Variants in ADGB observed in about 807,000 individuals in gnomAD.
The protein encoded by ADGB is androglobin.
ADGB carries 172 observed loss-of-function variants against 210.5 expected under a neutral mutation model. The observed-to-expected ratio is 0.82, with a 90% CI of 0.72 to 0.93. The LOEUF (loss-of-function observed/expected upper bound fraction) is 0.93. Ranked by LOEUF, ADGB falls within the 40% of genes least tolerant of loss-of-function variation. ADGB has a pLI of 0.00. For missense variants in ADGB, 2,025 were observed against 1,964.8 expected (o/e 1.03, Z -0.58); for synonymous variants, 658 against 662.7 (o/e 0.99, Z 0.11).
rs565968263 is a variant in ADGB, at chr6:146,722,036, G to T, written c.2095+531G>T. Among the ~76,000 whole-genome samples, 3 of 151,660 alleles carry T rather than the reference G, an allele frequency of 2.0e-5. No individual in the cohort carries two copies. In the South Asian group the frequency reaches 6.3e-4, roughly 32 times the overall value. ...GGTTGTACTATCTGTTCACCTTTTTGGTGTACTCACTCAATCTGTTAGTGT... is the reference window on the plus strand; with the variant it reads ...GGTTGTACTATCTGTTCACCTTTTTTGTGTACTCACTCAATCTGTTAGTGT... On this transcript the variant is annotated intron_variant, in intron 17 of 35. Coordinates refer to ENST00000397944, the MANE Select transcript of ADGB (RefSeq NM_024694.4).
At chr6:146,681,314 T>G (rs184193283) in intron 9 of ADGB, among the ~76,000 whole-genome samples, 1 of 152,190 alleles carries the variant, frequency 6.6e-6, no homozygotes, top group Non-Finnish European at 1.5e-5. Flanking sequence ...ATGTGAGACA[T>G]CTGCTCCCTC....
chr6:146,673,453 T>C (rs1776043986), intron 8 of ADGB, among the ~76,000 whole-genome samples: 1 of 152,198 alleles, frequency 6.6e-6, no homozygotes, highest in Non-Finnish European at 1.5e-5. Context: ...GTCGTTATCC[T>C]TTCTTAAGTT....
intron 27 of ADGB, among the ~76,000 whole-genome samples, chr6:146,754,681 T>G (rs906006434): frequency 3.3e-5 from 5 of 152,070 alleles, no homozygotes; most frequent in African/African-American, 1.2e-4. Context: ...TAAAATTGCT[T>G]TATTTAGCCT....
Position 146,717,521 on chromosome 6 carries a change from ATG to A in ADGB, c.1929-13_1929-12del. 2 of 1,326,042 alleles carry A rather than the reference ATG, an allele frequency of 1.5e-6. No individual in the cohort carries two copies. The allele number at this position is 1,326,042 out of a possible 1,614,324, so 82.1% of individuals were successfully genotyped here. A position where few individuals can be genotyped will look rare whatever the true frequency, so the allele number is the denominator to read the frequency against. On this transcript the variant is annotated splice_polypyrimidine_tract_variant and intron_variant, in intron 15 of 35. Transcript: ENST00000397944. The stretch of plus-strand genomic sequence containing the variant: ...CTATAATGACAATAACCTGTTAAAA[ATG>A]TCTTTCTTTCAGAAATATATATATT...
chr6:146,726,360 T>C (rs1369135153), intron 19 of ADGB, among the ~76,000 whole-genome samples, 163 bp downstream of exon 19: 3 of 152,114 alleles, frequency 2.0e-5, no homozygotes, highest in Non-Finnish European at 4.4e-5. Context: ...GTAGCTGGGA[T>C]TACAGGTGCG....
intron 11 of ADGB, among the ~76,000 whole-genome samples, chr6:146,692,120 T>C (rs1479439640): frequency 6.6e-6 from 1 of 152,198 alleles, no homozygotes; most frequent in Admixed American, 6.5e-5. Flanking sequence ...AAAGGAAGAA[T>C]AGTGAACATG....
intron 13 of ADGB, among the ~76,000 whole-genome samples, chr6:146,701,759 T>C (rs1031858343): frequency 6.6e-6 from 1 of 151,988 alleles, no homozygotes; most frequent in East Asian, 1.9e-4. Flanking sequence ...TGAGAGAACA[T>C]ACAACTTCAC....
At chr6:146,603,937 G>A (rs540807128) in intron 1 of ADGB, among the ~76,000 whole-genome samples, 148 of 152,228 alleles carry the variant, frequency 9.7e-4, no homozygotes, top group African/African-American at 3.5e-3. Flanking sequence ...TACCTGCAGC[G>A]TTCAGAAAAG....
chr6:146,672,088 A>T, intron 7 of ADGB, 132 bp from the exon 8 acceptor site: 1 of 1,208,320 alleles, frequency 8.3e-7, no homozygotes, highest in Non-Finnish European at 1.1e-6. Flanking sequence ...TGTTCTTTTA[A>T]CTAAAAATTT....
At chr6:146,740,665 T>A in intron 24 of ADGB, 72 bp downstream of exon 24, 1 of 1,466,008 alleles carries the variant, frequency 6.8e-7, no homozygotes, top group East Asian at 2.5e-5. Flanking sequence ...ATATTTCTGA[T>A]AGTAGTAAAG....
chr6:146,695,887 T>A (rs1267016898), intron 12 of ADGB, among the ~76,000 whole-genome samples: 5 of 152,092 alleles, frequency 3.3e-5, no homozygotes. Flanking sequence ...GGCATTTTCT[T>A]TGCCCTATTG....
chr6:146,723,322 T>C (rs1466151191), intron 17 of ADGB, among the ~76,000 whole-genome samples: 1 of 152,190 alleles, frequency 6.6e-6, no homozygotes, highest in African/African-American at 2.4e-5. Context: ...CCTCAGTCAT[T>C]GATGAACAAT....
intron 13 of ADGB, among the ~76,000 whole-genome samples, chr6:146,704,219 G>C (rs1412427699): frequency 6.6e-6 from 1 of 151,468 alleles, no homozygotes; most frequent in Admixed American, 6.6e-5. Flanking sequence ...CCTCTTATCA[G>C]ATGTATGATT....
At chr6:146,683,466 A>G (rs540490265) in intron 9 of ADGB, among the ~76,000 whole-genome samples, 1 of 152,228 alleles carries the variant, frequency 6.6e-6, no homozygotes, top group South Asian at 2.1e-4. Context: ...AGTTTAATTA[A>G]TCTGTGCCCA....
intron 35 of ADGB, among the ~76,000 whole-genome samples, chr6:146,804,220 T>C (rs1778176939): frequency 6.6e-6 from 1 of 151,932 alleles, no homozygotes. Context: ...ATGGATAACT[T>C]CCCACTACGG....
chr6:146,735,168 G>A (rs1205821890), intron 22 of ADGB, among the ~76,000 whole-genome samples: 1 of 152,000 alleles, frequency 6.6e-6, no homozygotes, highest in African/African-American at 2.4e-5. Flanking sequence ...TAATTCAATG[G>A]GTTTTTTCCT....
intron 33 of ADGB, among the ~76,000 whole-genome samples, chr6:146,797,837 C>T (rs1273285292): frequency 6.6e-6 from 1 of 151,796 alleles, no homozygotes; most frequent in East Asian, 1.9e-4. Flanking sequence ...AATGGGTGCA[C>T]CAAAATCTCA....
intron 13 of ADGB, among the ~76,000 whole-genome samples, chr6:146,709,810 T>C (rs1429239045): frequency 6.6e-6 from 1 of 152,194 alleles, no homozygotes; most frequent in Non-Finnish European, 1.5e-5. Flanking sequence ...GAGTGATGTG[T>C]GTGATGCAAA....
In ADGB at chr6:146,799,929, C is replaced by G. The variant is rs1036597269; in HGVS notation, c.4538-1254C>G. ...GGTTCAAGCGATTCTCCTGCCTCAG[C>G]CTCCCGAGTAGCTGGGATTACAGGC... On this transcript the variant is annotated intron_variant, in intron 33 of 35. Coordinates refer to ENST00000397944, the MANE Select transcript of ADGB (RefSeq NM_024694.4). Among the ~76,000 whole-genome samples the G allele has an allele frequency of 1.3e-4, 20 of 151,952 alleles. 1 individual carries two copies.
Sources: gnomAD v4.1 joint callset for allele counts (sites outside exome capture counted in the v4.1 genomes callset) on GRCh38, gnomAD v4.1.1 for gene constraint, MANE v1.5 for transcripts, NCBI Gene and HGNC (gene_info 2026-07-23, HGNC 2026-07-21) for gene names.